PDPR: variants seen among roughly 807,000 people sequenced by gnomAD.
PDPR encodes the protein pyruvate dehydrogenase phosphatase regulatory subunit, also known as pyruvate dehydrogenase phosphatase regulatory subunit, mitochondrial.
Under a neutral mutation model 102.2 loss-of-function variants are expected in PDPR, and 50 were observed. The observed-to-expected ratio is 0.49, with a 90% confidence interval of 0.39 to 0.62. PDPR has a LOEUF of 0.62. Ranked by LOEUF, PDPR falls within the 20% of genes least tolerant of loss-of-function variation. The pLI, the probability that PDPR is intolerant of heterozygous loss-of-function variation, is 0.00. For synonymous variants in PDPR, 259 were observed against 406.0 expected (o/e 0.64, Z 4.35); for missense variants, 625 against 1,098.2 (o/e 0.57, Z 6.09).
At chr16:70,151,463 C>T (rs1361748392) in intron 17 of PDPR, among the ~76,000 whole-genome samples, 2 of 152,290 alleles carry the variant, frequency 1.3e-5, no homozygotes, top group Non-Finnish European at 2.9e-5. Flanking sequence ...CTTTTCCACA[C>T]TCAGAAGTAT....
intron 7 of PDPR, among the ~76,000 whole-genome samples, chr16:70,130,822 G>A (rs1964467206): frequency 1.3e-5 from 2 of 152,284 alleles, no homozygotes; most frequent in Non-Finnish European, 2.9e-5. Context: ...GGGTCTTGAT[G>A]TTACATTTCA....
chr16:70,139,547 G>T (rs895332673), intron 11 of PDPR, among the ~76,000 whole-genome samples: 2 of 152,250 alleles, frequency 1.3e-5, no homozygotes, highest in African/African-American at 4.8e-5. Flanking sequence ...AGCAAGATTG[G>T]GAGCCACTTC....
rs1967708712 is a variant in PDPR at position 70,160,812 on chromosome 16, G to A, written c.*3933G>A. On this transcript the variant is annotated 3_prime_UTR_variant, in exon 19 of 19. Transcript: ENST00000288050. ...GGCAGTAGCGATGCAAGAATGATGG[G>A]AGCTTTCCGAGAGCGTTCAGTGTTT... 1 of 152,488 alleles carries A rather than the reference G, an allele frequency of 6.6e-6. No individual in the cohort carries two copies. The highest frequency in any genetic ancestry group is 2.1e-4 in the South Asian group (1 of 4,836). 9.4% of individuals were successfully genotyped at this position (152,488 alleles called of 1,614,324 possible). A position where few individuals can be genotyped will look rare whatever the true frequency, so the allele number is the denominator to read the frequency against.
intron 17 of PDPR, among the ~76,000 whole-genome samples, chr16:70,148,933 TG>T: frequency 2.0e-5 from 3 of 152,292 alleles, no homozygotes; most frequent in Admixed American, 2.0e-4. Context: ...CTCACTCTTT[TG>T]CCCAGGGTGG....
chr16:70,134,384 C>G (rs1327753426), intron 9 of PDPR, among the ~76,000 whole-genome samples: 6 of 152,078 alleles, frequency 3.9e-5, no homozygotes, highest in African/African-American at 1.4e-4. Context: ...CACCACAACG[C>G]AGAGCCAGTT....
chr16:70,156,987 C>G lies in PDPR; in HGVS notation c.*108C>G. On this transcript the variant is annotated 3_prime_UTR_variant, in exon 19 of 19. Transcript: ENST00000288050. ...TGTTCCTCTTCTGGAGCCTTTGCCT[C>G]CCATCTCTTATCTCCTTGATATAAT... 1 of 1,443,548 alleles carries G rather than the reference C, an allele frequency of 6.9e-7. No individual in the cohort carries two copies. The highest frequency in any genetic ancestry group is 9.5e-7 in the Non-Finnish European group (1 of 1,050,858). 89.4% of individuals were successfully genotyped at this position (1,443,548 alleles called of 1,614,324 possible).
intron 2 of PDPR, among the ~76,000 whole-genome samples, chr16:70,117,964 G>A (rs138254174): frequency 2.9e-4 from 44 of 152,024 alleles, no homozygotes; most frequent in Non-Finnish European, 4.6e-4. Context: ...GTGGTGGCGC[G>A]TGCTTGTAGT....
chr16:70,133,238 C>T (rs898846772), intron 9 of PDPR, among the ~76,000 whole-genome samples: 4 of 151,648 alleles, frequency 2.6e-5, no homozygotes, highest in Non-Finnish European at 5.9e-5. Flanking sequence ...CCTCAGCCTC[C>T]AGAGTAGGTG....
chr16:70,117,547 TG>T (rs1962772729), intron 2 of PDPR, among the ~76,000 whole-genome samples: 2 of 152,102 alleles, frequency 1.3e-5, no homozygotes, highest in Non-Finnish European at 2.9e-5. Flanking sequence ...TCAAAGAGGC[TG>T]TGACCTGAGG....
At position 70,148,476 on chromosome 16, in the gene PDPR, G is replaced by T. The variant is rs1490307853; in HGVS notation, c.1975G>T (p.Gly659Cys). Residue 659 changes from glycine to cysteine, a missense_variant, in exon 17 of 19, where the codon GGC becomes TGC. Physicochemically the swap from Gly to Cys is radical, Grantham distance 159 (BLOSUM62 -3). This residue lies in a region of PDPR where 36 missense variants were observed against 62.8 expected (regional missense o/e 0.57). Coordinates refer to ENST00000288050, the MANE Select transcript of PDPR (RefSeq NM_017990.5). ...PSLFCKEMSV[G>C]YANGIRVMSM... The stretch of plus-strand genomic sequence containing the variant: ...TTTGTCCCTGCAGGAGATGAGTGTG[G>T]GCTATGCAAATGGGATCCGGGTGAT... 1 of 1,613,166 alleles carries T rather than the reference G, an allele frequency of 6.2e-7. No homozygotes were observed. Among genetic ancestry groups the T allele is most frequent in the Non-Finnish European group, 8.5e-7 (1 of 1,179,380 alleles).
rs1964607729 is a variant in PDPR at position 70,132,189 on chromosome 16, T to C, written c.886T>C (p.Trp296Arg). 1 of 1,613,282 alleles carries C rather than the reference T, an allele frequency of 6.2e-7. No homozygotes were observed. Among genetic ancestry groups the C allele is most frequent in the African/African-American group, 1.3e-5 (1 of 74,952 alleles). The change falls in exon 9 of 19, where the codon TGG becomes CGG. Residue 296 changes from tryptophan to arginine, a missense_variant. This residue lies in a region of PDPR where 16 missense variants were observed against 93.0 expected (regional missense o/e 0.17). Coordinates refer to ENST00000288050, the MANE Select transcript of PDPR (RefSeq NM_017990.5). ...TGATGGAAGAATTTATATTCGGAAC[T>C]GGCAGGGTGGCATCCTGTCTGGGGG... ...DADGRIYIRN[W>R]QGGILSGGFE...
At chr16:70,129,536 ACGGGGTTTCGC>A (rs1378615075) in intron 6 of PDPR, among the ~76,000 whole-genome samples, 1 of 152,274 alleles carries the variant, frequency 6.6e-6, no homozygotes, top group Admixed American at 6.5e-5. Context: ...TTTAGTAGAG[ACGGGGTTTCGC>A]CATATTGGCC....
chr16:70,113,898 A>T (rs576901853), upstream of PDPR: 2 of 150,654 alleles, frequency 1.3e-5, no homozygotes, highest in Admixed American at 1.3e-4. Context: ...CGGCGATGAG[A>T]AGCGTTTTCC....
chr16:70,123,662 C>T (rs1471372830), intron 3 of PDPR, among the ~76,000 whole-genome samples: 1 of 152,232 alleles, frequency 6.6e-6, no homozygotes, highest in Non-Finnish European at 1.5e-5. Flanking sequence ...AAGTGGGAGA[C>T]CCTAGGGAGG....
At chr16:70,140,861 A>G (rs1384735824) in intron 11 of PDPR, among the ~76,000 whole-genome samples, 3 of 152,206 alleles carry the variant, frequency 2.0e-5, no homozygotes, top group Non-Finnish European at 4.4e-5. Context: ...GGAGGGGATG[A>G]TAGAACCGAA....
chr16:70,155,685 T>C (rs1246641546), intron 18 of PDPR, among the ~76,000 whole-genome samples: 1 of 152,258 alleles, frequency 6.6e-6, no homozygotes, highest in Non-Finnish European at 1.5e-5. Context: ...CCACCGTGCC[T>C]GGCCATAATC....
chr16:70,141,209 A>T (rs1965680168), intron 11 of PDPR, among the ~76,000 whole-genome samples: 1 of 152,202 alleles, frequency 6.6e-6, no homozygotes, highest in African/African-American at 2.4e-5. Context: ...GCCTGCCACC[A>T]TGCCTGGCTA....
intron 3 of PDPR, among the ~76,000 whole-genome samples, chr16:70,124,447 A>G (rs1963709487): frequency 6.6e-6 from 1 of 152,262 alleles, no homozygotes; most frequent in Non-Finnish European, 1.5e-5. Context: ...CCTCTTGTCC[A>G]TCTTCACTAT....
intron 18 of PDPR, among the ~76,000 whole-genome samples, chr16:70,154,168 A>T (rs917427263): frequency 4.6e-5 from 7 of 152,018 alleles, no homozygotes; most frequent in Non-Finnish European, 8.8e-5. Flanking sequence ...AAAAAAAAAA[A>T]TTTACAAAAA....
Sources: allele counts gnomAD v4.1 joint callset (sites outside exome capture counted in the v4.1 genomes callset), GRCh38; gene constraint gnomAD v4.1.1; regional missense constraint gnomAD v4.1.1; transcripts MANE v1.5; gene names NCBI Gene and HGNC (gene_info 2026-07-23, HGNC 2026-07-21).